Variants in SOX6 observed in about 807,000 individuals in gnomAD.
SOX6 encodes transcription factor SOX-6.
A neutral mutation model predicts 97.8 loss-of-function variants in SOX6; 11 were observed. The ratio of observed to expected loss-of-function variants is 0.11; its 90% CI spans 0.07 to 0.19. SOX6 has a LOEUF of 0.19. SOX6 is among the 10% of genes least tolerant of loss of function. The pLI is 1.00. For synonymous variants in SOX6, 360 were observed against 371.4 expected, an observed-to-expected ratio of 0.97 and a Z score of 0.35; for missense variants, 810 against 1,039.5, an observed-to-expected ratio of 0.78 and a Z score of 3.04.
intron 6 of SOX6, among the ~76,000 whole-genome samples, chr11:16,172,599 A>G (rs1851068068): frequency 6.6e-6 from 1 of 151,988 alleles, no homozygotes. Flanking sequence ...GCTATGGCCA[A>G]ACTTGACGTT....
intron 3 of SOX6, among the ~76,000 whole-genome samples, chr11:16,699,792 T>C (rs1848079864): frequency 6.6e-6 from 1 of 152,206 alleles, no homozygotes; most frequent in African/African-American, 2.4e-5. Context: ...ATAATTGCTG[T>C]CCTATAATTG....
chr11:16,726,379 T>C (rs573698593), intron 2 of SOX6, among the ~76,000 whole-genome samples: 16 of 152,350 alleles, frequency 1.1e-4, no homozygotes, highest in African/African-American at 3.8e-4. Flanking sequence ...ATCACGCCAC[T>C]TCACTCCAGC....
chr11:16,096,513 A>G (rs1848798138), intron 8 of SOX6, among the ~76,000 whole-genome samples: 1 of 151,848 alleles, frequency 6.6e-6, no homozygotes, highest in East Asian at 1.9e-4. Flanking sequence ...TAGGCAGCCC[A>G]TAATGGGTTA....
At chr11:16,173,413 C>T (rs951067762) in intron 6 of SOX6, among the ~76,000 whole-genome samples, 1 of 151,892 alleles carries the variant, frequency 6.6e-6, no homozygotes, top group East Asian at 1.9e-4. Context: ...CCTTGGCCTC[C>T]ATATCAATGC....
rs560767940 is a variant in SOX6 at position 16,636,424 on chromosome 11, T to C, written n.430-24164A>G. Among the ~76,000 whole-genome samples, 6 of 152,366 alleles carry C rather than the reference T, an allele frequency of 3.9e-5. No homozygotes were observed. In the East Asian group the frequency reaches 9.6e-4, roughly 24 times the overall value. ...TATTTACCCACTGCCTGTACCCTCATTGCATCTAGGAAGTAAGTAACTTGC... is the reference window on the plus strand; with the variant it reads ...TATTTACCCACTGCCTGTACCCTCACTGCATCTAGGAAGTAAGTAACTTGC... On this transcript the variant is annotated intron_variant and non_coding_transcript_variant, in intron 3 of 5. Coordinates refer to the SOX6 transcript ENST00000524520.
Position 15,973,116 on chromosome 11 carries a change from T to C in SOX6, c.2184-4A>G, listed in dbSNP as rs778706387. ...GATTGGAATCTGAGGCTGTTGCCTATATAGATTCAAGAAACAAAATCAGAC... is the reference window on the plus strand; with the variant it reads ...GATTGGAATCTGAGGCTGTTGCCTACATAGATTCAAGAAACAAAATCAGAC... On this transcript the variant is annotated splice_region_variant and splice_polypyrimidine_tract_variant and intron_variant, in intron 15 of 15. Transcript: ENST00000683767. The C allele has an allele frequency of 4.3e-6, 7 of 1,613,774 alleles. No individual in the cohort carries two copies. Among genetic ancestry groups the C allele is most frequent in the East Asian group, 4.5e-5 (2 of 44,894 alleles).
At chr11:16,672,023 C>G (rs917939268) in intron 3 of SOX6, among the ~76,000 whole-genome samples, 3 of 152,144 alleles carry the variant, frequency 2.0e-5, no homozygotes, top group Admixed American at 6.5e-5. Flanking sequence ...AATCTTCGAC[C>G]AAGAATTTTA....
intron 13 of SOX6, among the ~76,000 whole-genome samples, chr11:16,002,016 T>A (rs1025711863): frequency 1.3e-5 from 2 of 152,194 alleles, no homozygotes; most frequent in African/African-American, 4.8e-5. Context: ...TGGACATTAA[T>A]GACTAATCAA....
intron 1 of SOX6, among the ~76,000 whole-genome samples, chr11:16,422,217 G>GA (rs1176757057): frequency 6.6e-6 from 1 of 151,954 alleles, no homozygotes; most frequent in African/African-American, 2.4e-5. Context: ...TACATGACAG[G>GA]AAAAAAAGAC....
At chr11:16,059,442 A>C (rs946826570) in intron 9 of SOX6, among the ~76,000 whole-genome samples, 3 of 152,004 alleles carry the variant, frequency 2.0e-5, no homozygotes, top group African/African-American at 7.2e-5. Context: ...CCATATGAGT[A>C]GGGGAGAAAA....
chr11:16,519,919 G>A (rs1861032010), intron 4 of SOX6, among the ~76,000 whole-genome samples: 1 of 152,102 alleles, frequency 6.6e-6, no homozygotes, highest in African/African-American at 2.4e-5. Flanking sequence ...ACTCATTGTG[G>A]TTTTTAATTT....
At chr11:16,451,199 T>C (rs1156483719) in intron 1 of SOX6, among the ~76,000 whole-genome samples, 2 of 152,096 alleles carry the variant, frequency 1.3e-5, no homozygotes, top group African/African-American at 4.8e-5. Context: ...ACCATTGCAC[T>C]CCAGCCTGGA....
rs370977180 is a variant in SOX6 at position 16,350,333 on chromosome 11, C to G, written c.-5+5761G>C. Among the ~76,000 whole-genome samples the G allele has an allele frequency of 2.0e-5, 3 of 152,180 alleles. No individual in the cohort carries two copies. In the South Asian group the frequency reaches 6.2e-4, roughly 32 times the overall value. ...GCAAGCGACAGGAGAAAGGGGAAGT[C>G]CAGTCTCTAGCTGCACGTTTTATTT... On this transcript the variant is annotated intron_variant, in intron 1 of 15. Coordinates refer to ENST00000683767, the MANE Select transcript of SOX6 (RefSeq NM_001367873.1).
intron 3 of SOX6, among the ~76,000 whole-genome samples, chr11:16,248,904 T>C (rs1829419): frequency 0.78 from 118,238 of 152,024 alleles, 46,132 homozygotes; most frequent in Non-Finnish European, 0.8. Flanking sequence ...GAGACAATCC[T>C]GGCTAACACG....
At chr11:16,631,914 G>T in intron 3 of SOX6, among the ~76,000 whole-genome samples, 1 of 152,112 alleles carries the variant, frequency 6.6e-6, no homozygotes, top group African/African-American at 2.4e-5. Context: ...CTTTAAGTGA[G>T]TTTTTCAATT....
At chr11:16,049,232 C>T (rs1847619726) in intron 11 of SOX6, among the ~76,000 whole-genome samples, 2 of 152,092 alleles carry the variant, frequency 1.3e-5, no homozygotes, top group Admixed American at 1.3e-4. Flanking sequence ...CCTAGAGATA[C>T]TTGGCCATAT....
At chr11:16,236,103 C>A (rs546950098) in intron 3 of SOX6, among the ~76,000 whole-genome samples, 1 of 151,970 alleles carries the variant, frequency 6.6e-6, no homozygotes, top group Admixed American at 6.6e-5. Flanking sequence ...TCCTTCCTTC[C>A]TACCTTCCTT....
At chr11:16,362,955 G>A (rs565708714) in intron 1 of SOX6, among the ~76,000 whole-genome samples, 117 of 152,212 alleles carry the variant, frequency 7.7e-4, no homozygotes, top group Admixed American at 2.3e-3. Flanking sequence ...GTACTATGCC[G>A]TTAACTTATA....
chr11:16,021,215 T>C (rs1197974565), intron 12 of SOX6, among the ~76,000 whole-genome samples: 2 of 152,128 alleles, frequency 1.3e-5, no homozygotes, highest in Non-Finnish European at 2.9e-5. Context: ...TAAAAAGAAG[T>C]ACACATTTCA....
Sources: gnomAD v4.1 joint callset for allele counts (sites outside exome capture counted in the v4.1 genomes callset) on GRCh38, gnomAD v4.1.1 for gene constraint, MANE v1.5 for transcripts, NCBI Gene and HGNC (gene_info 2026-07-23, HGNC 2026-07-21) for gene names.